Variants in DNAH7 observed in about 807,000 individuals in gnomAD.
DNAH7 encodes the protein dynein axonemal heavy chain 7, also known as axonemal beta dynein heavy chain 7.
Under a neutral mutation model 444.6 loss-of-function variants are expected in DNAH7, and 397 were observed. That is an observed-to-expected ratio of 0.89 (90% CI 0.82 to 0.97). The LOEUF is 0.97. Among genes scored for constraint, DNAH7 ranks in the 50% least tolerant of loss-of-function variants. The probability of loss-of-function intolerance (pLI) is 0.00; values close to 1 mark genes in which losing one functional copy is unlikely to be tolerated. For synonymous variants in DNAH7, 1,636 were observed against 1,624.4 expected (o/e 1.01, Z -0.17); for missense variants, 4,902 against 4,800.8 (o/e 1.02, Z -0.62).
intron 17 of DNAH7, among the ~76,000 whole-genome samples, chr2:195,965,458 G>C (rs1256797966): frequency 6.6e-6 from 1 of 152,108 alleles, no homozygotes; most frequent in African/African-American, 2.4e-5. Context: ...TCTAGTTTTG[G>C]TATCAAGGTA....
chr2:195,899,067 T>G (rs1686530546), intron 28 of DNAH7, among the ~76,000 whole-genome samples: 1 of 152,230 alleles, frequency 6.6e-6, no homozygotes, highest in Non-Finnish European at 1.5e-5. Context: ...AAGTGTGTGA[T>G]GCCTAGCAGT....
At chr2:196,020,520 G>A (rs1695310364) in intron 8 of DNAH7, among the ~76,000 whole-genome samples, 1 of 152,022 alleles carries the variant, frequency 6.6e-6, no homozygotes, top group African/African-American at 2.4e-5. Flanking sequence ...GTCTTTCCCA[G>A]GAGAAAAGTT....
intron 49 of DNAH7, among the ~76,000 whole-genome samples, chr2:195,820,854 A>G (rs1273168547): frequency 6.6e-6 from 1 of 152,242 alleles, no homozygotes; most frequent in African/African-American, 2.4e-5. Flanking sequence ...GATTATAATC[A>G]ACCAAACCCA....
chr2:195,791,596 A>G (rs1056929394), intron 57 of DNAH7, among the ~76,000 whole-genome samples: 1 of 152,212 alleles, frequency 6.6e-6, no homozygotes, highest in Non-Finnish European at 1.5e-5. Context: ...CTCAAAAGAC[A>G]CATGAACTCA....
intron 47 of DNAH7, among the ~76,000 whole-genome samples, chr2:195,834,981 T>C (rs1017520554): frequency 2.0e-5 from 3 of 152,212 alleles, no homozygotes; most frequent in African/African-American, 7.2e-5. Context: ...TTTAGTGTCA[T>C]ATATGTAGTT....
Position 195,816,851 on chromosome 2 carries a change from T to G in DNAH7, c.9538A>C (p.Asn3180His). ...KILSSSKALANEISQKQEVAE... is the reference protein window; with the variant it reads ...KILSSSKALAHEISQKQEVAE... Reference sequence around the variant, plus strand: ...ACTTCCTGCTTCTGAGAAATCTCATTAGCCAAGGCCTTGGAGGAAGATAAT... The same window carrying G: ...ACTTCCTGCTTCTGAGAAATCTCATGAGCCAAGGCCTTGGAGGAAGATAAT... Residue 3180 changes from asparagine (N) to histidine (H), a missense_variant, in exon 51 of 65, where the codon AAT (asparagine) becomes CAT (histidine). Asn to His is a moderately conservative substitution (Grantham distance 68). Transcript: ENST00000312428. 1 of 1,614,138 alleles carries G rather than the reference T, an allele frequency of 6.2e-7. No homozygotes were observed. Among genetic ancestry groups the G allele is most frequent in the South Asian group, 1.1e-5 (1 of 91,080 alleles).
chr2:195,969,167 TG>T lies in DNAH7; in HGVS notation c.2205+780del, dbSNP rs1691677337. On this transcript the variant is annotated intron_variant, in intron 17 of 64. Transcript: ENST00000312428. ...ATAATTGTTAAAACTTGGTTTCCTG[TG>T]GGTGGTGGGGGGAGCAATCAGTGGA... Among the ~76,000 whole-genome samples the T allele has an allele frequency of 2.6e-5, 4 of 152,348 alleles. 1 individual carries two copies. The South Asian group carries it at 8.3e-4, about 32-fold the overall frequency.
chr2:195,746,461 T>C (rs1421139311), intron 63 of DNAH7, among the ~76,000 whole-genome samples: 3 of 152,094 alleles, frequency 2.0e-5, no homozygotes, highest in South Asian at 2.1e-4. Flanking sequence ...AACAAGGATA[T>C]CCAGGAATTG....
At chr2:195,856,188 T>C (rs1057383917) in intron 44 of DNAH7, among the ~76,000 whole-genome samples, 197 bp from the exon 45 acceptor site, 2 of 152,210 alleles carry the variant, frequency 1.3e-5, no homozygotes, top group Non-Finnish European at 2.9e-5. Context: ...TGGCCTTTTA[T>C]TAAAATAGAC....
chr2:195,910,583 A>G (rs1687298749), intron 24 of DNAH7, among the ~76,000 whole-genome samples: 1 of 152,202 alleles, frequency 6.6e-6, no homozygotes. Flanking sequence ...AAAATTACCA[A>G]CGAAGAGGGA....
Position 195,869,306 on chromosome 2 carries a change from C to A in DNAH7, c.6633+2944G>T, listed in dbSNP as rs140663839. Reference sequence around the variant, plus strand: ...GCTGGCTGGAGTTTCTCGGGGGATCCCTTCCCACCTACTGTCTCACAATTA... The same window carrying A: ...GCTGGCTGGAGTTTCTCGGGGGATCACTTCCCACCTACTGTCTCACAATTA... On this transcript the variant is annotated intron_variant, in intron 40 of 64. Coordinates refer to ENST00000312428, the MANE Select transcript of DNAH7 (RefSeq NM_018897.3). Among the ~76,000 whole-genome samples, 447 of 151,660 alleles carry A rather than the reference C, an allele frequency of 2.9e-3. 3 individuals are homozygous for A. Among genetic ancestry groups the A allele is most frequent in the African/African-American group, 0.01 (430 of 41,308 alleles).
At chr2:195,894,760 AAG>A (rs1574694200) in intron 30 of DNAH7, 1 of 353,030 alleles carries the variant, frequency 2.8e-6, no homozygotes, top group Non-Finnish European at 4.9e-6. Context: ...TTTTTTAAAA[AAG>A]AAATAAAAGG....
intron 5 of DNAH7, among the ~76,000 whole-genome samples, chr2:196,041,845 AAACAACTC>A (rs1696782615): frequency 1.3e-5 from 2 of 151,886 alleles, no homozygotes; most frequent in African/African-American, 4.8e-5. Flanking sequence ...TAAGGAACTC[AAACAACTC>A]AACAACAAAT....
At chr2:195,938,344 TCACACACACACACACA>T (rs68056425) in intron 19 of DNAH7, among the ~76,000 whole-genome samples, 8 of 134,178 alleles carry the variant, frequency 6.0e-5, no homozygotes, top group Non-Finnish European at 8.4e-5. Context: ...AAATAGACAT[TCACACACACACACACA>T]CACACACACA....
chr2:196,006,200 G>A (rs1694364173), intron 10 of DNAH7, among the ~76,000 whole-genome samples: 1 of 152,042 alleles, frequency 6.6e-6, no homozygotes, highest in Non-Finnish European at 1.5e-5. Flanking sequence ...CAGCTACTCA[G>A]GGGGATAAGG....
At chr2:195,953,311 C>T (rs1377498890) in intron 19 of DNAH7, among the ~76,000 whole-genome samples, 1 of 152,162 alleles carries the variant, frequency 6.6e-6, no homozygotes, top group South Asian at 2.1e-4. Flanking sequence ...CTGGAAGCTT[C>T]GTCCCAGAGG....
chr2:195,834,569 T>C (rs1698241208), intron 47 of DNAH7: 1 of 430,300 alleles, frequency 2.3e-6, no homozygotes, highest in African/African-American at 2.0e-5. Context: ...TCCTGCAAAG[T>C]TCGCACAAGT....
chr2:195,791,376 A>G (rs746016594), intron 57 of DNAH7, among the ~76,000 whole-genome samples: 5 of 122,140 alleles, frequency 4.1e-5, no homozygotes, highest in Admixed American at 9.5e-5. Flanking sequence ...CTGAAGCAGG[A>G]AAAAAAAAAA....
At chr2:195,898,255 T>C (rs1702451589) in intron 28 of DNAH7, among the ~76,000 whole-genome samples, 1 of 152,210 alleles carries the variant, frequency 6.6e-6, no homozygotes. Context: ...AATTTTTTTT[T>C]CCAAAAGCAT....
Sources: gnomAD v4.1 joint callset for allele counts (sites outside exome capture counted in the v4.1 genomes callset) on GRCh38, gnomAD v4.1.1 for gene constraint, MANE v1.5 for transcripts, NCBI Gene and HGNC (gene_info 2026-07-23, HGNC 2026-07-21) for gene names.